CSMD1: variants seen among roughly 807,000 people sequenced by gnomAD.
CSMD1 encodes the protein CUB and Sushi multiple domains 1.
A neutral mutation model predicts 417.5 loss-of-function variants in CSMD1; 213 were observed. That is an observed-to-expected ratio of 0.51 (90% confidence interval 0.46 to 0.57). The LOEUF is 0.57. Ranked by LOEUF, CSMD1 falls within the 20% of genes least tolerant of loss-of-function variation. The probability of loss-of-function intolerance (pLI) is 0.00; values close to 1 mark genes in which losing one functional copy is unlikely to be tolerated. For synonymous variants in CSMD1, 2,862 were observed against 1,736.8 expected, an observed-to-expected ratio of 1.65 and a Z score of -16.11; for missense variants, 6,923 against 4,529.7, an observed-to-expected ratio of 1.53 and a Z score of -15.17.
chr8:4,601,511 C>T (rs141262019), intron 2 of CSMD1, among the ~76,000 whole-genome samples: 88 of 152,198 alleles, frequency 5.8e-4, no homozygotes, highest in African/African-American at 2.0e-3. Context: ...CAAGGAGGGA[C>T]AGAGATCATA....
intron 1 of CSMD1, among the ~76,000 whole-genome samples, chr8:4,783,323 C>T (rs548096314): frequency 2.0e-5 from 3 of 152,162 alleles, no homozygotes; most frequent in African/African-American, 7.2e-5. Flanking sequence ...AGCCAGAGTG[C>T]CCCAAGACCC....
At chr8:3,566,193 G>C (rs568253657) in intron 10 of CSMD1, among the ~76,000 whole-genome samples, 2 of 152,062 alleles carry the variant, frequency 1.3e-5, no homozygotes, top group Admixed American at 1.3e-4. Context: ...GGGGAGAAAA[G>C]ACAAGGAAAA....
At chr8:3,970,831 A>G (rs1347757624) in intron 5 of CSMD1, among the ~76,000 whole-genome samples, 1 of 152,068 alleles carries the variant, frequency 6.6e-6, no homozygotes, top group African/African-American at 2.4e-5. Flanking sequence ...GTCTCACTGC[A>G]ACCTCCGCCT....
At chr8:3,282,942 G>A (rs191800944) in intron 26 of CSMD1, among the ~76,000 whole-genome samples, 1 of 152,260 alleles carries the variant, frequency 6.6e-6, no homozygotes, top group African/African-American at 2.4e-5. Flanking sequence ...CTGACCTTGT[G>A]TGCTGCCCAA....
At chr8:4,002,031 T>C (rs969241471) in intron 4 of CSMD1, among the ~76,000 whole-genome samples, 2 of 152,228 alleles carry the variant, frequency 1.3e-5, no homozygotes, top group African/African-American at 4.8e-5. Context: ...GAATTGTTTG[T>C]ATAGCACTCC....
chr8:3,616,790 T>G lies in CSMD1; in HGVS notation c.1017A>C (p.Gln339His). The change falls in exon 8 of 70, where the codon CAA (glutamine) becomes CAC (histidine). Residue 339 changes from glutamine (Q) to histidine (H), a missense_variant. Physicochemically the swap from Gln to His is conservative, Grantham distance 24 (BLOSUM62 0). Transcript: ENST00000635120. Reference sequence around the variant, plus strand: ...TGTCAGAGACCAATGCAACACCTCCTTGGCTCACTGTAATAGACAGAAACA... The same window carrying G: ...TGTCAGAGACCAATGCAACACCTCCGTGGCTCACTGTAATAGACAGAAACA... ...DGSHKNSVLSQGGVALVSDMC... is the reference protein window; with the variant it reads ...DGSHKNSVLSHGGVALVSDMC... 3.7e-6 allele frequency: 6 copies of G among 1,609,588 alleles called. No homozygotes were observed. The highest frequency in any genetic ancestry group is 5.1e-6 in the Non-Finnish European group (6 of 1,177,132).
chr8:3,887,502 G>A, intron 5 of CSMD1, among the ~76,000 whole-genome samples: 1 of 152,280 alleles, frequency 6.6e-6, no homozygotes, highest in East Asian at 1.9e-4. Context: ...CTGAACATTA[G>A]AGTTGCCTGT....
intron 48 of CSMD1, among the ~76,000 whole-genome samples, 198 bp from the exon 49 acceptor site, chr8:3,087,483 A>T (rs991404289): frequency 7.9e-5 from 12 of 152,194 alleles, no homozygotes; most frequent in Non-Finnish European, 1.6e-4. Flanking sequence ...TGAAGTTGAG[A>T]TGATCTGCAG....
intron 5 of CSMD1, among the ~76,000 whole-genome samples, chr8:3,876,275 T>A (rs1395927119): frequency 6.6e-6 from 1 of 152,196 alleles, no homozygotes; most frequent in East Asian, 1.9e-4. Context: ...TTGTTTTATT[T>A]ACCTTAGAAG....
intron 3 of CSMD1, among the ~76,000 whole-genome samples, chr8:4,401,130 C>G (rs964040848): frequency 2.0e-5 from 3 of 152,126 alleles, no homozygotes; most frequent in Non-Finnish European, 2.9e-5. Flanking sequence ...CATAAAGCTT[C>G]TGTTTGAAGC....
At chr8:3,854,333 C>CT (rs1204504078) in intron 5 of CSMD1, among the ~76,000 whole-genome samples, 3 of 151,480 alleles carry the variant, frequency 2.0e-5, no homozygotes, top group East Asian at 3.9e-4. Context: ...ATTTTGTAGT[C>CT]TTTTTTCAGA....
chr8:4,858,393 T>C (rs1011446639), intron 1 of CSMD1, among the ~76,000 whole-genome samples: 12 of 151,068 alleles, frequency 7.9e-5, no homozygotes, highest in African/African-American at 2.0e-4. Flanking sequence ...CTATTCAACG[T>C]AGTGTTGGAA....
intron 5 of CSMD1, among the ~76,000 whole-genome samples, chr8:3,846,283 A>C (rs888561444): frequency 1.3e-5 from 2 of 152,178 alleles, no homozygotes; most frequent in Non-Finnish European, 2.9e-5. Context: ...CTACCATGTC[A>C]ATAGGTGATA....
chr8:4,374,552 C>G (rs1283715835), intron 3 of CSMD1, among the ~76,000 whole-genome samples: 32 of 152,124 alleles, frequency 2.1e-4, no homozygotes, highest in Non-Finnish European at 1.0e-4. Context: ...CCCACTCAAG[C>G]GACTCACACT....
chr8:4,837,944 C>A (rs1267236734), intron 1 of CSMD1, among the ~76,000 whole-genome samples: 2 of 152,072 alleles, frequency 1.3e-5, no homozygotes, highest in African/African-American at 4.8e-5. Flanking sequence ...TAGACACAAT[C>A]TAGCAATGCT....
intron 7 of CSMD1, among the ~76,000 whole-genome samples, chr8:3,625,904 A>T (rs181683604): frequency 6.6e-6 from 1 of 152,212 alleles, no homozygotes; most frequent in Admixed American, 6.5e-5. Flanking sequence ...CTGATATATC[A>T]CGGTAGCAGT....
chr8:4,368,312 C>A (rs1220217408), intron 3 of CSMD1, among the ~76,000 whole-genome samples: 1 of 151,988 alleles, frequency 6.6e-6, no homozygotes, highest in Non-Finnish European at 1.5e-5. Flanking sequence ...TATGTTAAAC[C>A]AACTTTAGAT....
intron 1 of CSMD1, among the ~76,000 whole-genome samples, chr8:4,964,941 T>C (rs1042705276): frequency 4.6e-5 from 7 of 152,196 alleles, no homozygotes; most frequent in Non-Finnish European, 8.8e-5. Flanking sequence ...GAATTAACCT[T>C]TCTTTGCATA....
At chr8:3,785,876 C>T (rs1202271172) in intron 5 of CSMD1, among the ~76,000 whole-genome samples, 2 of 152,194 alleles carry the variant, frequency 1.3e-5, no homozygotes, top group African/African-American at 4.8e-5. Flanking sequence ...AGGGATATGT[C>T]ATGTTTGTGT....
Sources: allele counts gnomAD v4.1 joint callset (sites outside exome capture counted in the v4.1 genomes callset), GRCh38; gene constraint gnomAD v4.1.1; transcripts MANE v1.5; gene names NCBI Gene and HGNC (gene_info 2026-07-23, HGNC 2026-07-21).